Variants in GPR158 observed in about 807,000 individuals in gnomAD.
The protein encoded by GPR158 is G protein-coupled receptor 158.
A neutral mutation model predicts 78.2 loss-of-function variants in GPR158; 30 were observed. That is an observed-to-expected ratio of 0.38 (90% CI 0.29 to 0.52). The LOEUF (loss-of-function observed/expected upper bound fraction) is 0.52, where lower values mean the gene tolerates loss of function less well. Among genes scored for constraint, GPR158 ranks in the 20% least tolerant of loss-of-function variants. The probability of loss-of-function intolerance (pLI) is 0.83; values close to 1 mark genes in which losing one functional copy is unlikely to be tolerated. For missense variants in GPR158, 1,463 were observed against 1,523.5 expected (o/e 0.96, Z 0.66); for synonymous variants, 581 against 591.1 (o/e 0.98, Z 0.25).
chr10:25,383,978 A>G (rs1439763445), intron 2 of GPR158, among the ~76,000 whole-genome samples: 2 of 152,242 alleles, frequency 1.3e-5, no homozygotes, highest in African/African-American at 4.8e-5. Flanking sequence ...CATCTCTAAA[A>G]TGGAAATAAT....
intron 5 of GPR158, among the ~76,000 whole-genome samples, chr10:25,467,334 G>A (rs1447436460): frequency 2.0e-5 from 3 of 152,032 alleles, no homozygotes; most frequent in South Asian, 2.1e-4. Context: ...TCTCCTATTC[G>A]GACTATTAAA....
intron 2 of GPR158, among the ~76,000 whole-genome samples, chr10:25,266,115 C>CCCTGTAGCCTT (rs1447442496): frequency 3.9e-5 from 6 of 152,168 alleles, no homozygotes; most frequent in Non-Finnish European, 8.8e-5. Flanking sequence ...CCTAGTTAAT[C>CCCTGTAGCCTT]CCTGTAGCCT....
intron 2 of GPR158, among the ~76,000 whole-genome samples, chr10:25,381,513 C>A (rs1250579051): frequency 2.0e-5 from 3 of 152,040 alleles, no homozygotes; most frequent in African/African-American, 7.2e-5. Flanking sequence ...AAAGGTTGAA[C>A]AAGAAAGGGA....
intron 2 of GPR158, among the ~76,000 whole-genome samples, chr10:25,314,960 TATTA>T (rs1854828054): frequency 6.6e-6 from 1 of 150,516 alleles, no homozygotes; most frequent in Non-Finnish European, 1.5e-5. Context: ...TTGTATATTT[TATTA>T]ATTTTTAGTT....
At chr10:25,565,185 A>C (rs1369816778) in intron 6 of GPR158, among the ~76,000 whole-genome samples, 1 of 152,166 alleles carries the variant, frequency 6.6e-6, no homozygotes, top group African/African-American at 2.4e-5. Flanking sequence ...TGTTTAACTA[A>C]TTGGTCAATT....
At chr10:25,581,506 G>A (rs1335197) in intron 7 of GPR158, among the ~76,000 whole-genome samples, 44,326 of 152,102 alleles carry the variant, frequency 0.29, 7,069 homozygotes, top group Non-Finnish European at 0.36. Context: ...GTTCTTATTT[G>A]TATACCACCT....
intron 5 of GPR158, among the ~76,000 whole-genome samples, chr10:25,517,389 C>T (rs1255824412): frequency 6.6e-6 from 1 of 152,044 alleles, no homozygotes; most frequent in Non-Finnish European, 1.5e-5. Context: ...ATTGCCCTGG[C>T]CAGAACTTCC....
intron 2 of GPR158, among the ~76,000 whole-genome samples, chr10:25,281,041 A>G (rs1854262581): frequency 6.6e-6 from 1 of 151,864 alleles, no homozygotes; most frequent in Non-Finnish European, 1.5e-5. Context: ...AGGCCGAGGC[A>G]CAAGAATCGC....
intron 4 of GPR158, among the ~76,000 whole-genome samples, chr10:25,417,217 A>G (rs925040833): frequency 1.3e-5 from 2 of 152,140 alleles, no homozygotes; most frequent in East Asian, 1.9e-4. Context: ...TCATGGCTCT[A>G]TTTCTGTTAA....
At chr10:25,254,620 A>G (rs1255979275) in intron 2 of GPR158, among the ~76,000 whole-genome samples, 1 of 152,218 alleles carries the variant, frequency 6.6e-6, no homozygotes, top group Non-Finnish European at 1.5e-5. Flanking sequence ...TATAGCATTT[A>G]TATAACTGCA....
chr10:25,394,493 A>G (rs1289625948), intron 2 of GPR158, among the ~76,000 whole-genome samples: 4 of 151,838 alleles, frequency 2.6e-5, no homozygotes, highest in African/African-American at 9.7e-5. Flanking sequence ...TAAACAGTAC[A>G]TGTTATTTTT....
At chr10:25,264,237 A>T (rs974460265) in intron 2 of GPR158, among the ~76,000 whole-genome samples, 1 of 152,162 alleles carries the variant, frequency 6.6e-6, no homozygotes, top group African/African-American at 2.4e-5. Context: ...TTGATGCTGC[A>T]CATCTCCCAA....
At position 25,175,998 on chromosome 10, in the gene GPR158, A is replaced by T. The variant is rs889522425; in HGVS notation, c.578A>T (p.Gln193Leu). Residue 193 changes from glutamine (Q) to leucine (L), a missense_variant, in exon 1 of 11, where the codon CAG becomes CTG. Physicochemically the swap from Gln to Leu is moderately radical, Grantham distance 113. Coordinates refer to ENST00000376351, the MANE Select transcript of GPR158 (RefSeq NM_020752.3). The surrounding 1 kb of genome is among the most constrained non-coding windows in gnomAD (Gnocchi z 6.4). ...GCACCGGCCCCACAGGTCTTCCTCC[A>T]GGCCACGCGCGAGGAGAGCCGCATC... ...LSAPAPQVFL[Q>L]ATREESRILL... 2 of 1,613,064 alleles carry T rather than the reference A, an allele frequency of 1.2e-6. No individual in the cohort carries two copies. The highest frequency in any genetic ancestry group is 1.7e-6 in the Non-Finnish European group (2 of 1,179,852).
At chr10:25,362,609 T>A (rs1223485621) in intron 2 of GPR158, among the ~76,000 whole-genome samples, 1 of 151,932 alleles carries the variant, frequency 6.6e-6, no homozygotes, top group Admixed American at 6.6e-5. Flanking sequence ...ATCTGTATCT[T>A]CTTTAATTTC....
chr10:25,476,578 C>T (rs746078760), intron 5 of GPR158, among the ~76,000 whole-genome samples: 1 of 152,194 alleles, frequency 6.6e-6, no homozygotes, highest in East Asian at 1.9e-4. Flanking sequence ...AGTCTTTCTC[C>T]AGCCTCTTTA....
chr10:25,537,542 G>A (rs1192913120), intron 5 of GPR158, among the ~76,000 whole-genome samples: 1 of 151,980 alleles, frequency 6.6e-6, no homozygotes, highest in African/African-American at 2.4e-5. Context: ...TGTGTGTTAT[G>A]TATATACACA....
At chr10:25,239,435 C>T (rs996537127) in intron 2 of GPR158, among the ~76,000 whole-genome samples, 5 of 151,780 alleles carry the variant, frequency 3.3e-5, no homozygotes, top group Non-Finnish European at 7.4e-5. Flanking sequence ...GGTGAAACCC[C>T]GTCTCTGCTA....
chr10:25,344,607 AG>A (rs1217193644), intron 2 of GPR158, among the ~76,000 whole-genome samples: 6 of 152,014 alleles, frequency 3.9e-5, no homozygotes, highest in Admixed American at 3.3e-4. Flanking sequence ...AAAATACTGA[AG>A]TCTAAACATG....
intron 2 of GPR158, among the ~76,000 whole-genome samples, chr10:25,278,537 A>G (rs1440623415): frequency 6.6e-6 from 1 of 152,098 alleles, no homozygotes. Flanking sequence ...TCCAGAATGG[A>G]TGAAAGATGA....
Sources: allele counts gnomAD v4.1 joint callset (sites outside exome capture counted in the v4.1 genomes callset), GRCh38; gene constraint gnomAD v4.1.1; non-coding constraint Gnocchi (gnomAD v3.1); transcripts MANE v1.5; gene names NCBI Gene and HGNC (gene_info 2026-07-23, HGNC 2026-07-21).